The following STARD10 variants were observed in gnomAD, a reference collection of about 807,000 sequenced individuals.
STARD10 encodes the protein START domain-containing protein 10.
STARD10 carries 24 observed loss-of-function variants against 36.0 expected under a neutral mutation model. The observed-to-expected ratio is 0.67, with a 90% CI of 0.48 to 0.94. The LOEUF (loss-of-function observed/expected upper bound fraction) is 0.94, where lower values mean the gene tolerates loss of function less well. STARD10 is among the 40% of genes least tolerant of loss of function. STARD10 has a pLI of 0.00. For synonymous variants in STARD10, 156 were observed against 161.9 expected (o/e 0.96, Z 0.28); for missense variants, 335 against 396.6 (o/e 0.84, Z 1.32).
chr11:72,757,862 A>T lies in STARD10; in HGVS notation c.482T>A (p.Leu161Ter). The T allele has an allele frequency of 6.2e-7, 1 of 1,614,166 alleles. No individual in the cohort carries two copies. Among genetic ancestry groups the T allele is most frequent in the South Asian group, 1.1e-5 (1 of 91,090 alleles). Residue 161 changes from leucine (L) to a stop codon, truncating the protein, a stop_gained, in exon 5 of 7, where the codon TTG (leucine) becomes TAG (stop). Coordinates refer to ENST00000334805, the MANE Select transcript of STARD10 (RefSeq NM_006645.3). LOFTEE classifies it high-confidence loss of function. ...KHPKYPPRKD[L>*]VRAVSIQTGY... Reference sequence around the variant, plus strand: ...CGTCTGGATGGACACAGCTCGGACCAAGTCTTTCCGAGGTGGGTATTTCTG... The same window carrying T: ...CGTCTGGATGGACACAGCTCGGACCTAGTCTTTCCGAGGTGGGTATTTCTG...
At chr11:72,788,059 C>T (rs544452281) in intron 1 of STARD10, among the ~76,000 whole-genome samples, 10 of 152,240 alleles carry the variant, frequency 6.6e-5, no homozygotes, top group African/African-American at 2.2e-4. Flanking sequence ...GGAAGGGGCT[C>T]CTCTGGGAGG....
At chr11:72,761,311 T>C (rs1236597714) in intron 2 of STARD10, among the ~76,000 whole-genome samples, 7 of 152,126 alleles carry the variant, frequency 4.6e-5, no homozygotes, top group Non-Finnish European at 1.0e-4. Flanking sequence ...AACAACCACA[T>C]GTAAAGTGTG....
rs79430446 is a variant in STARD10 at position 72,762,959 on chromosome 11, G to A, written c.208-3578C>T. Among the ~76,000 whole-genome samples the A allele has an allele frequency of 8.5e-4, 129 of 152,184 alleles. 2 individuals are homozygous for A. Among genetic ancestry groups the A allele is most frequent in the Admixed American group, 2.7e-3 (41 of 15,282 alleles). On this transcript the variant is annotated intron_variant, in intron 2 of 6. Coordinates refer to ENST00000334805, the MANE Select transcript of STARD10 (RefSeq NM_006645.3). ...GGCTGGGTCAGAGAAAGTATAAGAT[G>A]AGCATGGAACATCTTCTTGTGCCAG... is the stretch of plus-strand genomic sequence containing the variant.
intron 1 of STARD10, among the ~76,000 whole-genome samples, chr11:72,787,335 G>C (rs147353312): frequency 1.3e-5 from 2 of 152,148 alleles, no homozygotes; most frequent in Non-Finnish European, 2.9e-5. Context: ...CGCAGGGGCC[G>C]TTGCCTCCCC....
At chr11:72,785,300 A>C (rs10160454) in intron 1 of STARD10, among the ~76,000 whole-genome samples, 50,334 of 151,678 alleles carry the variant, frequency 0.33, 8,643 homozygotes, top group Middle Eastern at 0.4. Context: ...TGTGGTGGCT[A>C]ACACCTGTAA....
At chr11:72,780,625 A>G in intron 2 of STARD10, 1 of 389,636 alleles carries the variant, frequency 2.6e-6, no homozygotes, top group Non-Finnish European at 4.9e-6. Context: ...GAGTAACTCA[A>G]GTCAGGAACC....
chr11:72,761,034 C>T (rs1212684958), intron 2 of STARD10, among the ~76,000 whole-genome samples: 1 of 152,204 alleles, frequency 6.6e-6, no homozygotes, highest in Admixed American at 6.5e-5. Context: ...CCAGAATAGG[C>T]CTTGGCCCCA....
intron 2 of STARD10, among the ~76,000 whole-genome samples, chr11:72,776,002 C>T (rs988635155): frequency 1.3e-5 from 2 of 152,166 alleles, no homozygotes; most frequent in African/African-American, 2.4e-5. Flanking sequence ...TGAGCTCCTC[C>T]AACCCAAAGT....
intron 2 of STARD10, among the ~76,000 whole-genome samples, chr11:72,772,787 C>T (rs1858880242): frequency 6.6e-6 from 1 of 152,186 alleles, no homozygotes; most frequent in Admixed American, 6.5e-5. Flanking sequence ...GGGGAGCCTA[C>T]CTCCCTGACC....
At chr11:72,777,946 G>A (rs1203416304) in intron 2 of STARD10, among the ~76,000 whole-genome samples, 1 of 152,186 alleles carries the variant, frequency 6.6e-6, no homozygotes, top group Non-Finnish European at 1.5e-5. Flanking sequence ...CAGGAGAGGG[G>A]AGGGGGAAAG....
intron 1 of STARD10, among the ~76,000 whole-genome samples, chr11:72,791,528 C>G (rs1024561782): frequency 1.3e-5 from 2 of 151,890 alleles, no homozygotes; most frequent in African/African-American, 4.8e-5. Context: ...ATGGTGAAAC[C>G]GTGTCTCTAC....
chr11:72,757,447 A>C lies in STARD10; in HGVS notation c.577+320T>G, dbSNP rs1245687776. Among the ~76,000 whole-genome samples, 9 of 152,184 alleles carry C rather than the reference A, an allele frequency of 5.9e-5. No individual in the cohort carries two copies. The South Asian group carries it at 1.4e-3, about 24-fold the overall frequency. On this transcript the variant is annotated intron_variant, in intron 5 of 6. Coordinates refer to ENST00000334805, the MANE Select transcript of STARD10 (RefSeq NM_006645.3). ...GCTGAGCCATCCCCAGGGAGAGAAG[A>C]CTAAGGCCTAGAAAACCCAGGCATC...
chr11:72,757,520 A>T (rs1858660434), intron 5 of STARD10, among the ~76,000 whole-genome samples: 1 of 152,238 alleles, frequency 6.6e-6, no homozygotes, highest in African/African-American at 2.4e-5. Context: ...AAGGCAGAGC[A>T]TGGGGACGGC....
At chr11:72,787,402 A>G (rs747843061) in intron 1 of STARD10, among the ~76,000 whole-genome samples, 3 of 152,144 alleles carry the variant, frequency 2.0e-5, no homozygotes, top group Non-Finnish European at 4.4e-5. Flanking sequence ...ACCATACAGG[A>G]CTTCAGAGTT....
At chr11:72,758,484 C>T (rs1352638730) in intron 4 of STARD10, 46 bp downstream of exon 4, 2 of 1,535,352 alleles carry the variant, frequency 1.3e-6, no homozygotes, top group Non-Finnish European at 1.8e-6. Flanking sequence ...CTTGCGCTGC[C>T]TGACCCTCTC....
At chr11:72,786,816 ACAC>A (rs1445909723) in intron 1 of STARD10, among the ~76,000 whole-genome samples, 1 of 152,166 alleles carries the variant, frequency 6.6e-6, no homozygotes, top group Non-Finnish European at 1.5e-5. Context: ...ACCTGTAATC[ACAC>A]CTATAATTCC....
chr11:72,757,126 CAA>C (rs1858655365), intron 5 of STARD10, among the ~76,000 whole-genome samples: 1 of 94,778 alleles, frequency 1.1e-5, no homozygotes, highest in African/African-American at 4.2e-5. Context: ...GCCTGGGAAA[CAA>C]GAGTGAAACT....
At chr11:72,767,221 C>T (rs1455640128) in intron 2 of STARD10, among the ~76,000 whole-genome samples, 3 of 152,118 alleles carry the variant, frequency 2.0e-5, no homozygotes, top group African/African-American at 7.2e-5. Context: ...TACCATTGCT[C>T]GAAATCACTG....
intron 1 of STARD10, among the ~76,000 whole-genome samples, chr11:72,791,210 G>A (rs1859138996): frequency 6.6e-6 from 1 of 152,178 alleles, no homozygotes; most frequent in South Asian, 2.1e-4. Flanking sequence ...TGGGGTCACA[G>A]TCTTAAATCA....
Sources: gnomAD v4.1 joint callset for allele counts (sites outside exome capture counted in the v4.1 genomes callset) on GRCh38, gnomAD v4.1.1 for gene constraint, MANE v1.5 for transcripts, NCBI Gene and HGNC (gene_info 2026-07-23, HGNC 2026-07-21) for gene names.